Variants in DIAPH2 observed in about 807,000 individuals in gnomAD.
DIAPH2 encodes diaphanous related formin 2.
Under a neutral mutation model 92.7 loss-of-function variants are expected in DIAPH2, and 35 were observed. The observed-to-expected ratio is 0.38, with a 90% CI of 0.29 to 0.50. The LOEUF (loss-of-function observed/expected upper bound fraction) is 0.50, where lower values mean the gene tolerates loss of function less well. Ranked by LOEUF, DIAPH2 falls within the 20% of genes least tolerant of loss-of-function variation. The probability of loss-of-function intolerance (pLI) is 0.94; values close to 1 mark genes in which losing one functional copy is unlikely to be tolerated. For synonymous variants in DIAPH2, 301 were observed against 280.4 expected (o/e 1.07, Z -0.73); for missense variants, 701 against 819.5 (o/e 0.86, Z 1.77).
chrX:97,421,503 C>T (rs1193968660), intron 25 of DIAPH2, among the ~76,000 whole-genome samples: 1 of 111,919 alleles, frequency 8.9e-6, no homozygotes, highest in East Asian at 2.8e-4. Flanking sequence ...TTGCACTCCA[C>T]TTGTCATCGC....
intron 24 of DIAPH2, among the ~76,000 whole-genome samples, chrX:97,365,253 CAA>C (rs1009665176): frequency 9.0e-6 from 1 of 111,530 alleles, no homozygotes; most frequent in African/African-American, 3.3e-5. Flanking sequence ...TTTAACGGCC[CAA>C]GTTTCAGTGT....
intron 22 of DIAPH2, among the ~76,000 whole-genome samples, chrX:97,209,231 C>T (rs978620997): frequency 4.5e-5 from 5 of 110,434 alleles, no homozygotes; most frequent in Non-Finnish European, 7.6e-5. Context: ...AAATTGTTTT[C>T]CAGGAAGATT....
intron 3 of DIAPH2, among the ~76,000 whole-genome samples, chrX:96,747,553 C>T (rs1031825834): frequency 8.9e-6 from 1 of 111,974 alleles, no homozygotes; most frequent in African/African-American, 3.2e-5. Flanking sequence ...GCAATAAATA[C>T]TAAATTATTC....
intron 5 of DIAPH2, among the ~76,000 whole-genome samples, chrX:96,909,456 G>T (rs993867164): frequency 1.9e-4 from 21 of 111,327 alleles, no homozygotes; most frequent in African/African-American, 6.5e-4. Flanking sequence ...AGTTCACAAA[G>T]TGTTTGATGT....
At chrX:97,323,446 C>T (rs1446683231) in intron 23 of DIAPH2, among the ~76,000 whole-genome samples, 1 of 103,652 alleles carries the variant, frequency 9.6e-6, no homozygotes, top group Admixed American at 1.0e-4. Flanking sequence ...AAAAAATTAG[C>T]CGGGCGTGGT....
At chrX:96,833,713 T>C (rs957729023) in intron 4 of DIAPH2, among the ~76,000 whole-genome samples, 24 of 110,827 alleles carry the variant, frequency 2.2e-4, no homozygotes, top group Non-Finnish European at 4.3e-4. Flanking sequence ...CAGGCTGGAG[T>C]GCAGTGGCTC....
chrX:96,785,612 C>T (rs922255077), intron 4 of DIAPH2, among the ~76,000 whole-genome samples: 1 of 106,228 alleles, frequency 9.4e-6, no homozygotes, highest in Non-Finnish European at 1.9e-5. Context: ...GCTGGCATTA[C>T]AGGTGCCTGC....
At chrX:96,930,900 C>A in intron 10 of DIAPH2, 57 bp downstream of exon 10, 1 of 1,093,623 alleles carries the variant, frequency 9.1e-7, no homozygotes. Context: ...TTTTCACTTC[C>A]ACAAAAGTAC....
At chrX:96,913,450 C>A (rs193179322) in intron 7 of DIAPH2, among the ~76,000 whole-genome samples, 241 of 111,758 alleles carry the variant, frequency 2.2e-3, no homozygotes, top group African/African-American at 7.4e-3. Context: ...GTAATACTTA[C>A]ATGAAAGTTA....
At chrX:97,000,320 G>C (rs2066134918) in intron 17 of DIAPH2, among the ~76,000 whole-genome samples, 1 of 111,828 alleles carries the variant, frequency 8.9e-6, no homozygotes, top group Non-Finnish European at 1.9e-5. Context: ...TCAAAGTAAA[G>C]GCCTGGCAAT....
chrX:97,028,767 C>G (rs938477113), intron 17 of DIAPH2, among the ~76,000 whole-genome samples: 5 of 111,959 alleles, frequency 4.5e-5, no homozygotes, highest in African/African-American at 1.3e-4. Context: ...ATTAGTGTTC[C>G]TGTACAAGTA....
chrX:97,273,649 T>C, intron 23 of DIAPH2, among the ~76,000 whole-genome samples: 1 of 112,108 alleles, frequency 8.9e-6, no homozygotes, highest in Non-Finnish European at 1.9e-5. Context: ...AACTAAATGG[T>C]ATACTAATCA....
chrX:96,912,431 C>T (rs2147779818), intron 6 of DIAPH2, 29 bp downstream of exon 6: 1 of 1,198,679 alleles, frequency 8.3e-7, no homozygotes, highest in South Asian at 1.8e-5. Flanking sequence ...ATTAAAATCA[C>T]CAAAGGGAAA....
intron 24 of DIAPH2, among the ~76,000 whole-genome samples, chrX:97,360,073 C>T (rs1460901444): frequency 9.0e-6 from 1 of 111,365 alleles, no homozygotes; most frequent in East Asian, 2.8e-4. Flanking sequence ...ATGGAAGATG[C>T]TCTATTATTC....
At chrX:96,872,720 C>T (rs906642940) in intron 4 of DIAPH2, among the ~76,000 whole-genome samples, 1 of 109,915 alleles carries the variant, frequency 9.1e-6, no homozygotes, top group African/African-American at 3.3e-5. Flanking sequence ...TCTTGAGCTC[C>T]TGACCTCAGG....
chrX:97,440,594 C>CAAA (rs775916074), intron 26 of DIAPH2, among the ~76,000 whole-genome samples: 60 of 39,223 alleles, frequency 1.5e-3, no homozygotes, highest in East Asian at 2.7e-3. Context: ...CTTCGTCTCA[C>CAAA]AAAAAAAAAA....
intron 4 of DIAPH2, among the ~76,000 whole-genome samples, chrX:96,773,236 T>TCCCCCCCCC (rs201670201): frequency 1.1e-5 from 1 of 91,468 alleles, no homozygotes; most frequent in Non-Finnish European, 2.2e-5. Flanking sequence ...GCTGAATTGT[T>TCCCCCCCCC]TCCCCCCCCC....
chrX:97,454,299 G>T (rs1232946143), intron 26 of DIAPH2, among the ~76,000 whole-genome samples: 1 of 111,023 alleles, frequency 9.0e-6, no homozygotes, highest in Non-Finnish European at 1.9e-5. Context: ...TGACTATAGT[G>T]GAAGAGATGA....
rs751640248 is a variant in DIAPH2 at position 97,600,166 on chromosome X, G to A, written c.*849G>A. The A allele has an allele frequency of 1.8e-5, 2 of 109,657 alleles. No homozygotes were observed. The highest frequency in any genetic ancestry group is 3.9e-5 in the Non-Finnish European group (2 of 51,477). The allele number at this position is 109,657 out of a possible 1,213,427, so 9.0% of individuals were successfully genotyped here. A position where few individuals can be genotyped will look rare whatever the true frequency, so the allele number is the denominator to read the frequency against. ...GGGATGAACCTGAAAATTCTATTACGTTTATTTAGATTTCAAAGGCAAATA... is the reference window on the plus strand; with the variant it reads ...GGGATGAACCTGAAAATTCTATTACATTTATTTAGATTTCAAAGGCAAATA... On this transcript the variant is annotated 3_prime_UTR_variant, in exon 27 of 27. Transcript: ENST00000324765.
Sources: allele counts gnomAD v4.1 joint callset (sites outside exome capture counted in the v4.1 genomes callset), GRCh38; gene constraint gnomAD v4.1.1; transcripts MANE v1.5; gene names NCBI Gene and HGNC (gene_info 2026-07-23, HGNC 2026-07-21).